Variants in PTK7 observed in about 807,000 individuals in gnomAD.
PTK7 encodes the protein inactive tyrosine-protein kinase 7.
In PTK7, 39 loss-of-function variants were observed where a neutral mutation model predicts 116.6. The observed-to-expected ratio is 0.33, with a 90% CI of 0.26 to 0.44. PTK7 has a LOEUF of 0.44. PTK7 is among the 20% of genes least tolerant of loss of function. The pLI is 1.00. For synonymous variants in PTK7, 546 were observed against 563.6 expected, an observed-to-expected ratio of 0.97 and a Z score of 0.44; for missense variants, 1,169 against 1,425.6, an observed-to-expected ratio of 0.82 and a Z score of 2.90.
At position 43,144,443 on chromosome 6, in the gene PTK7, C is replaced by T. The variant is rs1561979422; in HGVS notation, c.2252-8C>T. 2 of 1,614,110 alleles carry T rather than the reference C, an allele frequency of 1.2e-6. No homozygotes were observed. The highest frequency in any genetic ancestry group is 1.7e-5 in the Admixed American group (1 of 60,020). On this transcript the variant is annotated splice_region_variant and splice_polypyrimidine_tract_variant and intron_variant, in intron 14 of 19. Transcript: ENST00000230419. ...TCATCGTGACGCTCTTGTCCTCCTC[C>T]TTCCCAGGTGGGCCTTTGCAGAACG... is the stretch of plus-strand genomic sequence containing the variant.
intron 1 of PTK7, among the ~76,000 whole-genome samples, chr6:43,114,777 G>C (rs896294880): frequency 4.6e-5 from 7 of 152,018 alleles, no homozygotes; most frequent in African/African-American, 1.2e-4. Context: ...AGATTTTGGT[G>C]CTTTTAAAAA....
chr6:43,108,032 G>C (rs1767989636), intron 1 of PTK7, among the ~76,000 whole-genome samples: 1 of 152,112 alleles, frequency 6.6e-6, no homozygotes, highest in Admixed American at 6.5e-5. Flanking sequence ...ATTTCAGTTG[G>C]TGGCACATTG....
rs533567127 is a variant in PTK7, at chr6:43,109,982, G to A, written c.80-18995G>A. On this transcript the variant is annotated intron_variant, in intron 1 of 19. Transcript: ENST00000230419. ...CAAAGTGCTGAGATTACAGGCGTGA[G>A]CCACCATGCCCGGCCTTTTTTTTTT... Among the ~76,000 whole-genome samples the A allele has an allele frequency of 1.6e-4, 23 of 147,252 alleles. No individual in the cohort carries two copies. In the South Asian group the frequency reaches 1.9e-3, roughly 12 times the overall value.
intron 1 of PTK7, among the ~76,000 whole-genome samples, chr6:43,119,021 A>G (rs1561956994): frequency 6.6e-6 from 1 of 151,926 alleles, no homozygotes; most frequent in Admixed American, 6.6e-5. Flanking sequence ...TCGGCTTCCC[A>G]AAGTGTTGAG....
intron 17 of PTK7, among the ~76,000 whole-genome samples, chr6:43,151,938 G>T (rs927390065): frequency 1.4e-5 from 2 of 145,950 alleles, no homozygotes; most frequent in Admixed American, 1.4e-4. Context: ...TCCGCCTCCC[G>T]GGTTCACGCC....
chr6:43,139,129 G>C lies in PTK7; in HGVS notation c.1363-7G>C, dbSNP rs1208855671. The C allele has an allele frequency of 6.2e-7, 1 of 1,614,116 alleles. No homozygotes were observed. Among genetic ancestry groups the C allele is most frequent in the South Asian group, 1.1e-5 (1 of 91,068 alleles). On this transcript the variant is annotated splice_region_variant and splice_polypyrimidine_tract_variant and intron_variant, in intron 8 of 19. Coordinates refer to ENST00000230419, the MANE Select transcript of PTK7 (RefSeq NM_002821.5). This position sits in a 1 kb window ranked among gnomAD's most constrained non-coding sequence, Gnocchi z 4.6. ...TCAGGCTCTGAGGCCTCTCACCTGT[G>C]CTGCAGGACTCACGGTTCGAGGTCT... is the stretch of plus-strand genomic sequence containing the variant.
chr6:43,081,593 C>T (rs1202496804), intron 1 of PTK7, among the ~76,000 whole-genome samples: 5 of 152,038 alleles, frequency 3.3e-5, no homozygotes, highest in East Asian at 1.9e-4. Context: ...TTAATAGAGA[C>T]GGGGTTTCCC....
chr6:43,160,986 G>A lies in PTK7; in HGVS notation c.*105G>A, dbSNP rs1362323591. ...TGTCCTCCTGGGCCCTGAGGCCCCT[G>A]CCCTAGTGCAACAGGCATTGCTGAG... On this transcript the variant is annotated 3_prime_UTR_variant, in exon 20 of 20. Coordinates refer to ENST00000230419, the MANE Select transcript of PTK7 (RefSeq NM_002821.5). 1 of 1,423,474 alleles carries A rather than the reference G, an allele frequency of 7.0e-7. No homozygotes were observed. The highest frequency in any genetic ancestry group is 1.4e-5 in the African/African-American group (1 of 70,358). The allele number at this position is 1,423,474 out of a possible 1,614,324, so 88.2% of individuals were successfully genotyped here.
chr6:43,129,029 G>T lies in PTK7; in HGVS notation c.132G>T (p.Leu44=), dbSNP rs780849033. ...AGCAGCCGTCCTCCCAGGATGCACTGCAGGGGCGCCGGGCGCTGCTTCGCT... is the reference window on the plus strand; with the variant it reads ...AGCAGCCGTCCTCCCAGGATGCACTTCAGGGGCGCCGGGCGCTGCTTCGCT... ...FIKQPSSQDA[L]QGRRALLRCE... Residue 44 remains leucine (L), a synonymous_variant, in exon 2 of 20, where the codon CTG becomes CTT. Transcript: ENST00000230419. This position sits in a 1 kb window ranked among gnomAD's most constrained non-coding sequence, Gnocchi z 4.5. 6.2e-7 allele frequency: 1 copy of T among 1,614,070 alleles called. No homozygotes were observed. The highest frequency in any genetic ancestry group is 1.1e-5 in the South Asian group (1 of 91,056).
rs200192410 is a variant in PTK7 at position 43,132,085 on chromosome 6, C to T, written c.882C>T (p.Arg294=). Residue 294 remains arginine (R), a synonymous_variant, in exon 6 of 20, where the codon CGC becomes CGT. Coordinates refer to ENST00000230419, the MANE Select transcript of PTK7 (RefSeq NM_002821.5). ...GSLLLTQVRP[R]NAGIYRCIGQ... is the part of the protein sequence containing the mutation. ...TGCTGCTGACCCAGGTCCGGCCACG[C>T]AATGCAGGGATCTACCGCTGCATTG... 8.2e-5 allele frequency: 132 copies of T among 1,614,128 alleles called. 3 individuals carry two copies. The Middle Eastern group carries it at 4.0e-3, about 48-fold the overall frequency.
intron 17 of PTK7, among the ~76,000 whole-genome samples, chr6:43,151,250 G>A (rs867128302): frequency 1.4e-5 from 2 of 144,918 alleles, no homozygotes. Flanking sequence ...TCGCTCTGTC[G>A]CCCAAGCTGG....
chr6:43,102,298 G>A (rs968841587), intron 1 of PTK7, among the ~76,000 whole-genome samples: 1 of 152,110 alleles, frequency 6.6e-6, no homozygotes, highest in African/African-American at 2.4e-5. Context: ...GGTGGCGGGC[G>A]CCTGTAGTCC....
At chr6:43,151,370 C>A (rs1771070474) in intron 17 of PTK7, among the ~76,000 whole-genome samples, 1 of 150,762 alleles carries the variant, frequency 6.6e-6, no homozygotes, top group South Asian at 2.1e-4. Context: ...CACTACCACG[C>A]CCGGCCAATT....
chr6:43,130,493 C>T lies in PTK7; in HGVS notation c.662-18C>T, dbSNP rs2150430584. On this transcript the variant is annotated intron_variant, in intron 4 of 19. Transcript: ENST00000230419. The stretch of plus-strand genomic sequence containing the variant: ...CTCACCACCCAGGCTGCATGCTCCC[C>T]CATCTTTCCCTCTCCAGATGAAAGC... The T allele has an allele frequency of 6.2e-7, 1 of 1,612,484 alleles. No individual in the cohort carries two copies. Among genetic ancestry groups the T allele is most frequent in the South Asian group, 1.1e-5 (1 of 90,952 alleles).
intron 1 of PTK7, among the ~76,000 whole-genome samples, chr6:43,090,385 T>C (rs1766880592): frequency 6.6e-6 from 1 of 152,126 alleles, no homozygotes; most frequent in Non-Finnish European, 1.5e-5. Context: ...TGGACTTAGG[T>C]TTCCACTGCT....
chr6:43,100,382 CAA>C (rs34878554), intron 1 of PTK7, among the ~76,000 whole-genome samples: 19 of 107,968 alleles, frequency 1.8e-4, no homozygotes, highest in Admixed American at 3.0e-4. Flanking sequence ...GACTCCATCT[CAA>C]AAAAAAAAAA....
At position 43,160,114 on chromosome 6, in the gene PTK7, C is replaced by T. The variant is rs1478213212; in HGVS notation, c.3052+148C>T. 11 of 832,964 alleles carry T rather than the reference C, an allele frequency of 1.3e-5. No homozygotes were observed. In the East Asian group the frequency reaches 2.4e-4, roughly 18 times the overall value. 51.6% of individuals were successfully genotyped at this position (832,964 alleles called of 1,614,324 possible). ...AACCACTCTGGTTGTTAAAATACTG[C>T]AATACTTTGTTTTTCTTTTGAGACG... is the stretch of plus-strand genomic sequence containing the variant. On this transcript the variant is annotated intron_variant, in intron 19 of 19. Coordinates refer to ENST00000230419, the MANE Select transcript of PTK7 (RefSeq NM_002821.5).
In PTK7 at chr6:43,130,298, G is replaced by A; in HGVS notation, c.539G>A (p.Ser180Asn). ...SDGQSNHTVS[S>N]KERNLTLRPA... ...GGTCAGAGCAACCACACAGTCAGCA[G>A]CAAGGAGCGGAACCTGACGCTCCGG... Residue 180 changes from serine to asparagine, a missense_variant, in exon 4 of 20, where the codon AGC becomes AAC. Physicochemically the swap from Ser to Asn is conservative, Grantham distance 46. Transcript: ENST00000230419. 1 of 1,611,416 alleles carries A rather than the reference G, an allele frequency of 6.2e-7. No homozygotes were observed. The highest frequency in any genetic ancestry group is 8.5e-7 in the Non-Finnish European group (1 of 1,178,312).
At chr6:43,106,976 G>A (rs1055124786) in intron 1 of PTK7, among the ~76,000 whole-genome samples, 2 of 149,242 alleles carry the variant, frequency 1.3e-5, no homozygotes, top group African/African-American at 5.0e-5. Flanking sequence ...AGGCTGGAGT[G>A]CAGTGGCGCC....
Sources: gnomAD v4.1 joint callset for allele counts (sites outside exome capture counted in the v4.1 genomes callset) on GRCh38, gnomAD v4.1.1 for gene constraint, Gnocchi (gnomAD v3.1) non-coding constraint, MANE v1.5 for transcripts, NCBI Gene and HGNC (gene_info 2026-07-23, HGNC 2026-07-21) for gene names.